The following IQSEC1 variants were observed in gnomAD, a reference collection of about 807,000 sequenced individuals.
IQSEC1 encodes the protein IQ motif and SEC7 domain-containing protein 1.
In IQSEC1, 31 loss-of-function variants were observed where a neutral mutation model predicts 91.0. That is an observed-to-expected ratio of 0.34 (90% confidence interval 0.26 to 0.46). IQSEC1 has a LOEUF of 0.46. Among genes scored for constraint, IQSEC1 ranks in the 20% least tolerant of loss-of-function variants. The pLI is 1.00. For synonymous variants in IQSEC1, 699 were observed against 662.6 expected, an observed-to-expected ratio of 1.05 and a Z score of -0.84; for missense variants, 1,388 against 1,575.6, an observed-to-expected ratio of 0.88 and a Z score of 2.02.
chr3:13,066,448 G>C (rs1705232136), intron 1 of IQSEC1, among the ~76,000 whole-genome samples: 1 of 152,238 alleles, frequency 6.6e-6, no homozygotes, highest in Non-Finnish European at 1.5e-5. Flanking sequence ...TCTATGAGGG[G>C]GCCCATTTGC....
At position 12,900,929 on chromosome 3, in the gene IQSEC1, G is replaced by A; in HGVS notation, c.*54C>T. 2 of 1,537,878 alleles carry A rather than the reference G, an allele frequency of 1.3e-6. No individual in the cohort carries two copies. Among genetic ancestry groups the A allele is most frequent in the Non-Finnish European group, 1.7e-6 (2 of 1,146,664 alleles). ...TGTGCGGCTGGCGACCCCCGGGCGTGCCCTGTGTGGTGTGCAGGTGTTTCA... is the reference window on the plus strand; with the variant it reads ...TGTGCGGCTGGCGACCCCCGGGCGTACCCTGTGTGGTGTGCAGGTGTTTCA... On this transcript the variant is annotated 3_prime_UTR_variant, in exon 14 of 14. Coordinates refer to ENST00000613206, the MANE Select transcript of IQSEC1 (RefSeq NM_001134382.3).
chr3:13,258,208 G>T (rs1312507559), intron 1 of IQSEC1, among the ~76,000 whole-genome samples: 3 of 152,172 alleles, frequency 2.0e-5, no homozygotes, highest in Non-Finnish European at 4.4e-5. Context: ...TGTCAAAGTG[G>T]GTTCATCCAT....
Position 13,069,762 on chromosome 3 carries a change from C to T in IQSEC1, c.23+3230G>A, listed in dbSNP as rs368936286. On this transcript the variant is annotated intron_variant, in intron 1 of 13. Coordinates refer to ENST00000613206, the MANE Select transcript of IQSEC1 (RefSeq NM_001134382.3). ...CCCATGAGGACAGAGGGGCCCCTTG[C>T]AGAGATGATGAAAAGGATGCTGTAG... Among the ~76,000 whole-genome samples, 21 of 152,300 alleles carry T rather than the reference C, an allele frequency of 1.4e-4. No individual in the cohort carries two copies. In the East Asian group the frequency reaches 3.1e-3, roughly 22 times the overall value.
At chr3:13,151,949 G>A (rs1559264990) in intron 2 of IQSEC1, among the ~76,000 whole-genome samples, 1 of 152,150 alleles carries the variant, frequency 6.6e-6, no homozygotes, top group Non-Finnish European at 1.5e-5. Flanking sequence ...CTGGGTGACA[G>A]AAGCGAAACT....
chr3:13,014,550 T>C (rs1472732883), intron 1 of IQSEC1, among the ~76,000 whole-genome samples: 2 of 152,144 alleles, frequency 1.3e-5, no homozygotes, highest in Admixed American at 6.5e-5. Context: ...CTGCCACTGG[T>C]TGGGCTCCAG....
chr3:13,277,106 TAAAAAAAAAAAAAAAA>T (rs4034193), intron 1 of IQSEC1, among the ~76,000 whole-genome samples: 12 of 35,976 alleles, frequency 3.3e-4, no homozygotes, highest in East Asian at 2.0e-3. Flanking sequence ...TGCTCCTCCT[TAAAAAAAAAAAAAAAA>T]AAAAAAAAAA....
chr3:13,151,839 G>T, intron 2 of IQSEC1, among the ~76,000 whole-genome samples: 1 of 152,012 alleles, frequency 6.6e-6, no homozygotes, highest in Non-Finnish European at 1.5e-5. Flanking sequence ...GGTGGCAGGT[G>T]CCTGTAATCC....
chr3:13,104,177 G>A (rs542749807), intron 2 of IQSEC1, among the ~76,000 whole-genome samples: 3 of 152,258 alleles, frequency 2.0e-5, no homozygotes, highest in East Asian at 3.9e-4. Context: ...TGTAACTTCT[G>A]TCACACACAA....
chr3:13,101,795 C>T lies in IQSEC1; in HGVS notation c.303-54273G>A, dbSNP rs115037740. Among the ~76,000 whole-genome samples the T allele has an allele frequency of 8.2e-3, 1,250 of 152,158 alleles. 9 individuals carry two copies. The highest frequency in any genetic ancestry group is 0.012 in the Non-Finnish European group (808 of 67,998). ...CAGGCTGGAGATATAAATTTGGGGC[C>T]ATCTTTCAATTTTATTGTTTCAGAG... On this transcript the variant is annotated intron_variant, in intron 2 of 15. Transcript: ENST00000648114.
chr3:13,119,267 T>C (rs1706386147), intron 2 of IQSEC1, among the ~76,000 whole-genome samples: 1 of 152,106 alleles, frequency 6.6e-6, no homozygotes, highest in Non-Finnish European at 1.5e-5. Flanking sequence ...TGTTAGGAAA[T>C]TGTCTCTCCA....
chr3:13,032,615 G>A (rs1483797651), intron 1 of IQSEC1, among the ~76,000 whole-genome samples: 3 of 148,992 alleles, frequency 2.0e-5, no homozygotes, highest in Admixed American at 6.7e-5. Context: ...ATGGAGTCTC[G>A]CTCTGTCGCC....
At chr3:13,101,553 G>A (rs887378243) in intron 2 of IQSEC1, among the ~76,000 whole-genome samples, 2 of 152,146 alleles carry the variant, frequency 1.3e-5, no homozygotes, top group Non-Finnish European at 2.9e-5. Flanking sequence ...GCAGGGAGAG[G>A]TGCTCAGGCC....
rs1028083117 is a variant in IQSEC1, at chr3:12,940,131, C to T, written c.318+1440G>A. Among the ~76,000 whole-genome samples the T allele has an allele frequency of 2.6e-5, 4 of 152,174 alleles. No homozygotes were observed. The highest frequency in any genetic ancestry group is 6.5e-5 in the Admixed American group (1 of 15,272). On this transcript the variant is annotated intron_variant, in intron 2 of 13. Coordinates refer to ENST00000613206, the MANE Select transcript of IQSEC1 (RefSeq NM_001134382.3). The surrounding 1 kb of genome is among the most constrained non-coding windows in gnomAD (Gnocchi z 4.4). ...GTTGCAGACATCTCTTACTATAAAC[C>T]GTGGTCCACTTTGGATCTGGGCATC...
rs1371288099 is a variant in IQSEC1 at position 12,897,686 on chromosome 3, A to G, written c.*3297T>C. On this transcript the variant is annotated 3_prime_UTR_variant, in exon 14 of 14. Transcript: ENST00000613206. ...AAGGGTGATGATATTTTACAAGGAG[A>G]ACTGTAAGACTGTGCGTGCTTACCT... 1 of 152,198 alleles carries G rather than the reference A, an allele frequency of 6.6e-6. No individual in the cohort carries two copies. The highest frequency in any genetic ancestry group is 1.9e-4 in the East Asian group (1 of 5,194). The allele number at this position is 152,198 out of a possible 1,614,324, so 9.4% of individuals were successfully genotyped here.
At chr3:13,192,605 C>T (rs1388455873) in intron 1 of IQSEC1, among the ~76,000 whole-genome samples, 1 of 152,194 alleles carries the variant, frequency 6.6e-6, no homozygotes, top group East Asian at 1.9e-4. Context: ...GGGAGAGAGG[C>T]CAGGTGAGTA....
At chr3:12,976,255 A>AG (rs1242747037) in intron 1 of IQSEC1, among the ~76,000 whole-genome samples, 1 of 152,156 alleles carries the variant, frequency 6.6e-6, no homozygotes, top group African/African-American at 2.4e-5. Flanking sequence ...GAAAAGCAGG[A>AG]GGGGGGCAGC....
chr3:13,172,551 C>T (rs1693637929), intron 1 of IQSEC1, among the ~76,000 whole-genome samples: 1 of 152,150 alleles, frequency 6.6e-6, no homozygotes, highest in Non-Finnish European at 1.5e-5. Flanking sequence ...AAAAGTCAAA[C>T]AGAACGGGAA....
chr3:13,173,882 C>A (rs1252982964), intron 1 of IQSEC1, among the ~76,000 whole-genome samples: 3 of 152,228 alleles, frequency 2.0e-5, no homozygotes, highest in African/African-American at 7.2e-5. Context: ...GAATCAGGAA[C>A]TCGGAGTGAG....
chr3:12,960,791 G>C (rs1261602765), intron 1 of IQSEC1, among the ~76,000 whole-genome samples: 1 of 152,154 alleles, frequency 6.6e-6, no homozygotes, highest in Admixed American at 6.5e-5. Context: ...GCCAACTTAA[G>C]ACCCACCAAA....
Sources: gnomAD v4.1 joint callset for allele counts (sites outside exome capture counted in the v4.1 genomes callset) on GRCh38, gnomAD v4.1.1 for gene constraint, Gnocchi (gnomAD v3.1) non-coding constraint, MANE v1.5 for transcripts, NCBI Gene and HGNC (gene_info 2026-07-23, HGNC 2026-07-21) for gene names.